CNTN6: variants seen among roughly 807,000 people sequenced by gnomAD.
CNTN6 encodes contactin 6, also known as contactin-6.
CNTN6 carries 137 observed loss-of-function variants against 122.8 expected under a neutral mutation model. That is an observed-to-expected ratio of 1.12 (90% CI 0.97 to 1.29). The LOEUF (loss-of-function observed/expected upper bound fraction) is 1.29, where lower values mean the gene tolerates loss of function less well. Ranked by LOEUF, CNTN6 falls within the 50% of genes most tolerant of loss-of-function variation. CNTN6 has a pLI of 0.00. For missense variants in CNTN6, 1,634 were observed against 1,223.4 expected (o/e 1.34, Z -5.01); for synonymous variants, 570 against 426.0 (o/e 1.34, Z -4.16).
chr3:1,273,259 A>C (rs1315211837), intron 4 of CNTN6, among the ~76,000 whole-genome samples: 2 of 152,214 alleles, frequency 1.3e-5, no homozygotes, highest in East Asian at 1.9e-4. Flanking sequence ...GTCTATGAGA[A>C]TATCTCCAAA....
chr3:1,189,513 T>C (rs747686888), intron 2 of CNTN6, among the ~76,000 whole-genome samples: 13 of 152,210 alleles, frequency 8.5e-5, no homozygotes, highest in Non-Finnish European at 1.6e-4. Flanking sequence ...TCCTTTAAAG[T>C]GCTTACCACA....
At chr3:1,309,144 G>T (rs909421967) in intron 7 of CNTN6, among the ~76,000 whole-genome samples, 2 of 144,442 alleles carry the variant, frequency 1.4e-5, no homozygotes, top group Non-Finnish European at 3.0e-5. Flanking sequence ...TTAATGATGT[G>T]CAGGTTATCA....
At chr3:1,266,666 G>A (rs1201467626) in intron 4 of CNTN6, among the ~76,000 whole-genome samples, 3 of 152,102 alleles carry the variant, frequency 2.0e-5, no homozygotes. Context: ...TGTCTATGAA[G>A]GACCATAGCA....
At chr3:1,282,281 A>C (rs1276664297) in intron 5 of CNTN6, among the ~76,000 whole-genome samples, 1 of 152,202 alleles carries the variant, frequency 6.6e-6, no homozygotes, top group Non-Finnish European at 1.5e-5. Context: ...CCAGTTTTGA[A>C]GCACAGATGC....
intron 1 of CNTN6, among the ~76,000 whole-genome samples, chr3:1,095,406 G>C (rs906458328): frequency 1.3e-5 from 2 of 152,186 alleles, no homozygotes; most frequent in African/African-American, 4.8e-5. Flanking sequence ...GGGAGGCGGA[G>C]CTTGCAGTGA....
At chr3:1,220,655 T>A (rs1372283640) in intron 2 of CNTN6, 32 bp from the exon 3 acceptor site, 1 of 1,571,472 alleles carries the variant, frequency 6.4e-7, no homozygotes, top group East Asian at 2.3e-5. Context: ...GGCCACTTTT[T>A]TTTCATGTGA....
intron 1 of CNTN6, among the ~76,000 whole-genome samples, chr3:1,140,328 G>C (rs1316683865): frequency 1.3e-5 from 2 of 152,096 alleles, no homozygotes; most frequent in African/African-American, 4.8e-5. Flanking sequence ...TTGGTGATGT[G>C]TGCAGTGCCC....
intron 11 of CNTN6, among the ~76,000 whole-genome samples, chr3:1,330,478 AAAAC>A (rs1354178687): frequency 1.4e-4 from 21 of 152,018 alleles, no homozygotes; most frequent in African/African-American, 4.1e-4. Flanking sequence ...TTGACAAAAG[AAAAC>A]AAACAAACAA....
At chr3:1,389,652 G>C (rs1286067370) in intron 20 of CNTN6, among the ~76,000 whole-genome samples, 1 of 151,140 alleles carries the variant, frequency 6.6e-6, no homozygotes, top group African/African-American at 2.4e-5. Flanking sequence ...CCATCAGTGT[G>C]CTGTATTCAG....
At chr3:1,212,401 T>C (rs1490329294) in intron 2 of CNTN6, among the ~76,000 whole-genome samples, 2 of 151,738 alleles carry the variant, frequency 1.3e-5, no homozygotes, top group Non-Finnish European at 2.9e-5. Flanking sequence ...ACCATTATAA[T>C]CATTGGTGAT....
At chr3:1,212,252 GTT>G (rs74499004) in intron 2 of CNTN6, among the ~76,000 whole-genome samples, 6 of 118,370 alleles carry the variant, frequency 5.1e-5, no homozygotes, top group Non-Finnish European at 7.0e-5. Context: ...AATAAAACTT[GTT>G]TTTTTTTTTT....
At chr3:1,366,435 C>T (rs1168901406) in intron 12 of CNTN6, among the ~76,000 whole-genome samples, 1 of 152,072 alleles carries the variant, frequency 6.6e-6, no homozygotes, top group Non-Finnish European at 1.5e-5. Context: ...TCTACTGGCA[C>T]ATATGCACTC....
chr3:1,104,558 C>T (rs755379402), intron 1 of CNTN6, among the ~76,000 whole-genome samples: 1 of 151,948 alleles, frequency 6.6e-6, no homozygotes, highest in Non-Finnish European at 1.5e-5. Flanking sequence ...ATTGAATAAC[C>T]TTGGTAAATT....
intron 2 of CNTN6, among the ~76,000 whole-genome samples, chr3:1,167,972 C>T (rs2093288737): frequency 6.6e-6 from 1 of 152,120 alleles, no homozygotes; most frequent in African/African-American, 2.4e-5. Context: ...AGTGCAGTGG[C>T]ACAATCTCAC....
At chr3:1,312,829 A>G (rs996507293) in intron 7 of CNTN6, among the ~76,000 whole-genome samples, 3 of 139,248 alleles carry the variant, frequency 2.2e-5, no homozygotes, top group Admixed American at 1.4e-4. Context: ...TTTTTTTTTT[A>G]ATTTACTGTA....
At chr3:1,164,616 G>A (rs2093205863) in intron 2 of CNTN6, among the ~76,000 whole-genome samples, 1 of 152,218 alleles carries the variant, frequency 6.6e-6, no homozygotes, top group Non-Finnish European at 1.5e-5. Flanking sequence ...TAGTTTTCAT[G>A]TAGAATGTGA....
At chr3:1,173,378 G>C (rs1299275884) in intron 2 of CNTN6, 6 of 439,962 alleles carry the variant, frequency 1.4e-5, no homozygotes, top group African/African-American at 8.1e-5. Flanking sequence ...GCATGTGCTC[G>C]ATATTGAGCT....
chr3:1,402,964 G>A (rs1389410224), intron 22 of CNTN6, among the ~76,000 whole-genome samples: 1 of 152,068 alleles, frequency 6.6e-6, no homozygotes, highest in African/African-American at 2.4e-5. Context: ...ACACCAGTCA[G>A]TCAGAGTTAG....
intron 12 of CNTN6, among the ~76,000 whole-genome samples, chr3:1,361,237 C>G (rs1266237513): frequency 2.0e-5 from 3 of 152,142 alleles, no homozygotes; most frequent in African/African-American, 7.2e-5. Context: ...TTTGGACCAA[C>G]TGTTGATAAA....
Sources: allele counts gnomAD v4.1 joint callset (sites outside exome capture counted in the v4.1 genomes callset), GRCh38; gene constraint gnomAD v4.1.1; transcripts MANE v1.5; gene names NCBI Gene and HGNC (gene_info 2026-07-23, HGNC 2026-07-21).